Variants in CCDC192 observed in about 807,000 individuals in gnomAD.
The protein encoded by CCDC192 is coiled-coil domain-containing protein 192.
At chr5:127,923,708 A>T (rs1753794065) in intron 6 of CCDC192, among the ~76,000 whole-genome samples, 1 of 148,352 alleles carries the variant, frequency 6.7e-6, no homozygotes, top group South Asian at 2.1e-4. Context: ...CATGGCATTG[A>T]TTTTTTTTTT....
At chr5:127,911,648 A>C (rs1753354923) in intron 6 of CCDC192, among the ~76,000 whole-genome samples, 1 of 152,108 alleles carries the variant, frequency 6.6e-6, no homozygotes, top group African/African-American at 2.4e-5. Flanking sequence ...GTAAACTTGA[A>C]AAAGGGAGTG....
At chr5:127,715,178 C>A (rs886820918) in intron 2 of CCDC192, among the ~76,000 whole-genome samples, 3 of 152,084 alleles carry the variant, frequency 2.0e-5, no homozygotes, top group African/African-American at 7.2e-5. Flanking sequence ...TTTTTGAGGT[C>A]TTATTCAAAA....
chr5:127,735,750 A>G (rs1752947995), intron 2 of CCDC192, among the ~76,000 whole-genome samples: 1 of 129,596 alleles, frequency 7.7e-6, no homozygotes, highest in African/African-American at 3.5e-5. Flanking sequence ...GGTGTATAAG[A>G]ATGCTTGTGA....
chr5:127,779,517 G>A (rs998703868), intron 3 of CCDC192, among the ~76,000 whole-genome samples: 1 of 151,832 alleles, frequency 6.6e-6, no homozygotes. Flanking sequence ...GGACAGTCTC[G>A]ATCTCCTGAC....
At chr5:127,788,363 C>T (rs574333074) in intron 3 of CCDC192, among the ~76,000 whole-genome samples, 1 of 152,284 alleles carries the variant, frequency 6.6e-6, no homozygotes, top group South Asian at 2.1e-4. Flanking sequence ...CTACAATTCA[C>T]ATGCAACATC....
At chr5:127,844,592 A>T (rs1338967452) in intron 5 of CCDC192, among the ~76,000 whole-genome samples, 1 of 152,180 alleles carries the variant, frequency 6.6e-6, no homozygotes, top group Admixed American at 6.5e-5. Context: ...AATCTTTCTC[A>T]TCCAGCACTA....
chr5:127,841,375 G>A (rs1293261099), intron 5 of CCDC192, among the ~76,000 whole-genome samples: 1 of 152,196 alleles, frequency 6.6e-6, no homozygotes, highest in Non-Finnish European at 1.5e-5. Flanking sequence ...ATGTGCACCA[G>A]ATGGGGTTGA....
intron 3 of CCDC192, among the ~76,000 whole-genome samples, chr5:127,796,064 C>G (rs1757149797): frequency 6.6e-6 from 1 of 152,148 alleles, no homozygotes; most frequent in Non-Finnish European, 1.5e-5. Flanking sequence ...GGCAACTGAA[C>G]AAACATTTGT....
At chr5:127,889,117 T>G (rs1286517918) in intron 6 of CCDC192, among the ~76,000 whole-genome samples, 1 of 152,228 alleles carries the variant, frequency 6.6e-6, no homozygotes, top group Non-Finnish European at 1.5e-5. Context: ...CACATCAGAA[T>G]AAATGCTCAT....
chr5:127,885,828 A>G (rs184743039), intron 6 of CCDC192, among the ~76,000 whole-genome samples: 4 of 152,236 alleles, frequency 2.6e-5, no homozygotes, highest in East Asian at 1.9e-4. Context: ...ATGGTAATCT[A>G]TGTGTATATG....
chr5:127,798,005 T>A (rs1346614739), intron 4 of CCDC192, 101 bp from the exon 5 acceptor site: 1 of 393,598 alleles, frequency 2.5e-6, no homozygotes, highest in Non-Finnish European at 4.5e-6. Context: ...AATGCTGCCA[T>A]TCACGAGATT....
Position 127,750,117 on chromosome 5 carries a change from C to G in CCDC192, c.115-4151C>G, listed in dbSNP as rs774537376. 8.7e-4 allele frequency among the ~76,000 whole-genome samples: 133 copies of G among 152,194 alleles called. 1 individual carries two copies. The highest frequency in any genetic ancestry group is 1.2e-3 in the Non-Finnish European group (82 of 67,998). On this transcript the variant is annotated intron_variant, in intron 2 of 6. Coordinates refer to ENST00000514853, the MANE Select transcript of CCDC192 (RefSeq NM_001317938.2). The stretch of plus-strand genomic sequence containing the variant: ...GTTTTTTGTGTCTCTATTTCCTTCA[C>G]TTCTGCTCGGATTTTAGTTATTTCT...
At chr5:127,781,743 T>A (rs1359596200) in intron 3 of CCDC192, among the ~76,000 whole-genome samples, 1 of 152,100 alleles carries the variant, frequency 6.6e-6, no homozygotes, top group East Asian at 1.9e-4. Context: ...TCTGGAGGTG[T>A]CTTTAGGGTT....
At chr5:127,704,838 A>AAAAT (rs57523949) in intron 1 of CCDC192, among the ~76,000 whole-genome samples, 4,710 of 144,444 alleles carry the variant, frequency 0.033, 94 homozygotes, top group South Asian at 0.053. Flanking sequence ...AACTCCATCT[A>AAAAT]AAATAAATAA....
intron 1 of CCDC192, among the ~76,000 whole-genome samples, 166 bp from the exon 2 acceptor site, chr5:127,707,543 T>TC (rs1444459315): frequency 6.6e-6 from 1 of 152,184 alleles, no homozygotes; most frequent in African/African-American, 2.4e-5. Context: ...ATTATTTTTA[T>TC]TTCCCTTAGA....
chr5:127,774,028 T>C (rs1755713250), intron 3 of CCDC192, among the ~76,000 whole-genome samples: 1 of 152,250 alleles, frequency 6.6e-6, no homozygotes, highest in Non-Finnish European at 1.5e-5. Context: ...GTTGAACATC[T>C]TTTCATGTGC....
intron 5 of CCDC192, among the ~76,000 whole-genome samples, chr5:127,802,019 A>C (rs1036422870): frequency 6.6e-6 from 1 of 152,214 alleles, no homozygotes; most frequent in African/African-American, 2.4e-5. Context: ...ACTATTTGTT[A>C]CAAAAAATAT....
At chr5:127,719,534 C>CATATATATATATAT (rs1158638020) in intron 2 of CCDC192, among the ~76,000 whole-genome samples, 1 of 42,266 alleles carries the variant, frequency 2.4e-5, no homozygotes, top group African/African-American at 8.3e-5. Context: ...TACACACATA[C>CATATATATATATAT]ATATATATAT....
rs561368866 is a variant in CCDC192 at position 127,858,638 on chromosome 5, T to C, written c.412-16900T>C. Among the ~76,000 whole-genome samples the C allele has an allele frequency of 3.9e-5, 6 of 152,352 alleles. No homozygotes were observed. In the South Asian group the frequency reaches 6.2e-4, roughly 16 times the overall value. ...CTTATCCCAGTATTCCCTGGGTTGC[T>C]AAGTTTGTCTGCGATAAACAAATAA... On this transcript the variant is annotated intron_variant, in intron 5 of 6. Transcript: ENST00000514853.
Sources: gnomAD v4.1 joint callset for allele counts (sites outside exome capture counted in the v4.1 genomes callset) on GRCh38, gnomAD v4.1.1 for gene constraint, MANE v1.5 for transcripts, NCBI Gene and HGNC (gene_info 2026-07-23, HGNC 2026-07-21) for gene names.